Variants in RAB31 observed in about 807,000 individuals in gnomAD.
RAB31 encodes the protein ras-related protein Rab-31.
Under a neutral mutation model 25.6 loss-of-function variants are expected in RAB31, and 21 were observed. The observed-to-expected ratio is 0.82, with a 90% CI of 0.58 to 1.18. RAB31 has a LOEUF of 1.18. Ranked by LOEUF, RAB31 falls within the 50% of genes most tolerant of loss-of-function variation. The probability of loss-of-function intolerance (pLI) is 0.00; values close to 1 mark genes in which losing one functional copy is unlikely to be tolerated. For missense variants in RAB31, 196 were observed against 250.1 expected (o/e 0.78, Z 1.46); for synonymous variants, 87 against 84.0 (o/e 1.04, Z -0.20).
chr18:9,743,143 T>C (rs2068188559), intron 1 of RAB31, among the ~76,000 whole-genome samples: 1 of 152,244 alleles, frequency 6.6e-6, no homozygotes, highest in South Asian at 2.1e-4. Flanking sequence ...TGCTTTTGAC[T>C]GAAATAGTTT....
chr18:9,842,734 A>G (rs1568194225), intron 5 of RAB31, among the ~76,000 whole-genome samples: 2 of 152,198 alleles, frequency 1.3e-5, no homozygotes, highest in Non-Finnish European at 2.9e-5. Context: ...AGCCTCTGGC[A>G]TGTGGTGCTG....
intron 6 of RAB31, chr18:9,856,168 T>A (rs1419717097): frequency 1.3e-5 from 2 of 152,214 alleles, no homozygotes; most frequent in East Asian, 3.8e-4. Context: ...CTGGCACTCC[T>A]AAGAAGCCAT....
At chr18:9,733,457 A>G (rs560775135) in intron 1 of RAB31, among the ~76,000 whole-genome samples, 3 of 152,302 alleles carry the variant, frequency 2.0e-5, no homozygotes, top group Non-Finnish European at 2.9e-5. Context: ...GTCCTGGAAG[A>G]TGGCTCTTCC....
rs761544340 is a variant in RAB31 at position 9,814,081 on chromosome 18, T to C, written c.263T>C (p.Ile88Thr). ...GSAAAVIVYD[I>T]TKQDSFYTLK... ...GCTGCAGCTGTTATCGTGTATGATA[T>C]TACCAAGCAGGTAAGAATGTCTCCT... The change falls in exon 4 of 7, where the codon ATT becomes ACT. Residue 88 changes from isoleucine (I) to threonine (T), a missense_variant. By Grantham distance (89) the Ile-to-Thr change is moderately conservative. Transcript: ENST00000578921. 3.8e-5 allele frequency: 60 copies of C among 1,579,768 alleles called. No individual in the cohort carries two copies. The highest frequency in any genetic ancestry group is 4.9e-5 in the Non-Finnish European group (57 of 1,155,628).
intron 1 of RAB31, among the ~76,000 whole-genome samples, chr18:9,717,481 T>A (rs951142422): frequency 2.6e-5 from 4 of 152,202 alleles, no homozygotes; most frequent in African/African-American, 9.7e-5. Context: ...TTCTATTTTC[T>A]CTTCTTTGAA....
intron 1 of RAB31, among the ~76,000 whole-genome samples, chr18:9,744,959 A>T (rs1465557578): frequency 6.6e-6 from 1 of 152,210 alleles, no homozygotes; most frequent in Non-Finnish European, 1.5e-5. Flanking sequence ...TAGGAAATAC[A>T]GAGTGAAGAG....
At chr18:9,811,975 G>T (rs2068574096) in intron 3 of RAB31, among the ~76,000 whole-genome samples, 2 of 152,206 alleles carry the variant, frequency 1.3e-5, no homozygotes, top group Non-Finnish European at 2.9e-5. Context: ...TACCATTTGG[G>T]AGCTGGGAAG....
chr18:9,825,929 G>A (rs1485940355), intron 5 of RAB31, among the ~76,000 whole-genome samples: 1 of 152,178 alleles, frequency 6.6e-6, no homozygotes, highest in East Asian at 1.9e-4. Flanking sequence ...GACACTGGGA[G>A]CTTCAGAGGC....
chr18:9,848,758 T>TAAA (rs1264241298), intron 6 of RAB31, among the ~76,000 whole-genome samples: 1 of 152,186 alleles, frequency 6.6e-6, no homozygotes, highest in Non-Finnish European at 1.5e-5. Context: ...AAAAGCCCTT[T>TAAA]AAAAAGGTGT....
chr18:9,816,538 T>G (rs1403173707), intron 5 of RAB31, among the ~76,000 whole-genome samples: 6 of 152,252 alleles, frequency 3.9e-5, no homozygotes, highest in Non-Finnish European at 8.8e-5. Flanking sequence ...GATTTTATCT[T>G]AAGGATATAG....
chr18:9,805,693 G>A lies in RAB31; in HGVS notation c.202-8327G>A, dbSNP rs193064705. 2.6e-5 allele frequency among the ~76,000 whole-genome samples: 4 copies of A among 152,294 alleles called. No individual in the cohort carries two copies. The East Asian group carries it at 7.7e-4, about 29-fold the overall frequency. On this transcript the variant is annotated intron_variant, in intron 3 of 6. Coordinates refer to ENST00000578921, the MANE Select transcript of RAB31 (RefSeq NM_006868.4). ...CAGTTTCTCTGCTGCTCAGAACAGT[G>A]CCTGCCACATACTGAGCGTTCAAAC...
chr18:9,783,400 G>A (rs2068415629), intron 2 of RAB31, among the ~76,000 whole-genome samples: 1 of 152,156 alleles, frequency 6.6e-6, no homozygotes, highest in Non-Finnish European at 1.5e-5. Context: ...CTGTGGAGGG[G>A]TTGGACTGGA....
rs147145606 is a variant in RAB31, at chr18:9,738,120, T to C, written c.39+29676T>C. 4.0e-3 allele frequency among the ~76,000 whole-genome samples: 611 copies of C among 152,292 alleles called. 7 individuals are homozygous for C. The highest frequency in any genetic ancestry group is 0.014 in the African/African-American group (572 of 41,562). ...CAAGCACAGCCCTGGTTCCAATGAC[T>C]TAACGCCGCCTGGGCCACTGCAAGA... is the stretch of plus-strand genomic sequence containing the variant. On this transcript the variant is annotated intron_variant, in intron 1 of 6. Coordinates refer to ENST00000578921, the MANE Select transcript of RAB31 (RefSeq NM_006868.4).
intron 1 of RAB31, among the ~76,000 whole-genome samples, chr18:9,729,495 C>G (rs974284815): frequency 6.6e-6 from 1 of 151,510 alleles, no homozygotes; most frequent in African/African-American, 2.4e-5. Context: ...CCAGTGCACT[C>G]CAGCCTGGGG....
At chr18:9,718,600 T>A (rs1421961917) in intron 1 of RAB31, among the ~76,000 whole-genome samples, 1 of 152,214 alleles carries the variant, frequency 6.6e-6, no homozygotes, top group Non-Finnish European at 1.5e-5. Context: ...AAGAGCTAAT[T>A]TTTTAAATTA....
At chr18:9,781,990 C>T (rs533811870) in intron 2 of RAB31, among the ~76,000 whole-genome samples, 3 of 152,152 alleles carry the variant, frequency 2.0e-5, no homozygotes, top group African/African-American at 7.2e-5. Flanking sequence ...GAGACTGGCA[C>T]GTAATAAACT....
intron 3 of RAB31, among the ~76,000 whole-genome samples, chr18:9,804,599 C>T (rs1568183379): frequency 2.6e-5 from 4 of 152,194 alleles, no homozygotes; most frequent in South Asian, 2.1e-4. Context: ...TAATTTCCTA[C>T]GTCTGGCTAA....
chr18:9,739,137 T>C (rs2068164918), intron 1 of RAB31, among the ~76,000 whole-genome samples: 1 of 152,228 alleles, frequency 6.6e-6, no homozygotes, highest in Admixed American at 6.5e-5. Flanking sequence ...AGTTGCATAC[T>C]ATATAAATAC....
intron 1 of RAB31, among the ~76,000 whole-genome samples, chr18:9,741,904 G>T (rs929445690): frequency 1.3e-5 from 2 of 152,190 alleles, no homozygotes; most frequent in Non-Finnish European, 2.9e-5. Context: ...GTGTGGCAGG[G>T]TCCCCAGGGA....
Sources: allele counts gnomAD v4.1 joint callset (sites outside exome capture counted in the v4.1 genomes callset), GRCh38; gene constraint gnomAD v4.1.1; transcripts MANE v1.5; gene names NCBI Gene and HGNC (gene_info 2026-07-23, HGNC 2026-07-21).